ATRNL1: variants seen among roughly 807,000 people sequenced by gnomAD.
ATRNL1 encodes attractin like 1.
ATRNL1 carries 95 observed loss-of-function variants against 182.7 expected under a neutral mutation model. That is an observed-to-expected ratio of 0.52 (90% CI 0.44 to 0.62). The LOEUF (loss-of-function observed/expected upper bound fraction) is 0.62, where lower values mean the gene tolerates loss of function less well. Ranked by LOEUF, ATRNL1 falls within the 20% of genes least tolerant of loss-of-function variation. The pLI is 0.00. For missense variants in ATRNL1, 1,471 were observed against 1,679.5 expected (o/e 0.88, Z 2.17); for synonymous variants, 576 against 568.3 (o/e 1.01, Z -0.19).
chr10:115,096,727 A>C, intron 1 of ATRNL1: 1 of 1,286,896 alleles, frequency 7.8e-7, no homozygotes, highest in Non-Finnish European at 1.0e-6. Context: ...ATGCAGAAGC[A>C]AATATAGTAT....
rs539480442 is a variant in ATRNL1 at position 115,522,442 on chromosome 10, G to T, written c.3716+3118G>T. 2.6e-5 allele frequency among the ~76,000 whole-genome samples: 4 copies of T among 152,174 alleles called. No individual in the cohort carries two copies. The South Asian group carries it at 8.3e-4, about 32-fold the overall frequency. ...GTGAGAACTCATTTGCTACCATAAG[G>T]ACACCACCAAGTCATTCACAGGGAG... On this transcript the variant is annotated intron_variant, in intron 25 of 28. Transcript: ENST00000355044.
intron 27 of ATRNL1, among the ~76,000 whole-genome samples, chr10:115,747,826 G>A (rs1008158849): frequency 6.6e-6 from 1 of 152,022 alleles, no homozygotes; most frequent in Non-Finnish European, 1.5e-5. Context: ...GGCACATTCA[G>A]TATCTGGTGA....
intron 21 of ATRNL1, among the ~76,000 whole-genome samples, chr10:115,439,472 T>C (rs1289622426): frequency 1.3e-5 from 2 of 151,810 alleles, no homozygotes; most frequent in Non-Finnish European, 2.9e-5. Context: ...TAAATAAAAA[T>C]AAAAATAAAA....
At chr10:115,232,831 T>G (rs546338536) in intron 9 of ATRNL1, among the ~76,000 whole-genome samples, 3 of 152,096 alleles carry the variant, frequency 2.0e-5, no homozygotes, top group Non-Finnish European at 4.4e-5. Context: ...TGATTGATAT[T>G]TTATATGCTT....
At chr10:115,345,635 C>G (rs1554939504) in intron 19 of ATRNL1, among the ~76,000 whole-genome samples, 1 of 152,096 alleles carries the variant, frequency 6.6e-6, no homozygotes. Context: ...ATTGATGTCC[C>G]TGTTGGAGGG....
In ATRNL1 at chr10:115,515,198, C is replaced by T. The variant is rs149304810; in HGVS notation, c.3655-4065C>T. ...GTTTTCCTATTGATTCCCTCTTTTT[C>T]CTGCCTCATAGACACTGGTACCTTC... On this transcript the variant is annotated intron_variant, in intron 24 of 28. Transcript: ENST00000355044. Among the ~76,000 whole-genome samples, 50 of 151,916 alleles carry T rather than the reference C, an allele frequency of 3.3e-4. No homozygotes were observed. In the Middle Eastern group the frequency reaches 0.01, roughly 31 times the overall value.
chr10:115,789,978 A>C (rs1239411421), intron 27 of ATRNL1, among the ~76,000 whole-genome samples: 1 of 152,254 alleles, frequency 6.6e-6, no homozygotes, highest in Non-Finnish European at 1.5e-5. Flanking sequence ...TAATTATAGA[A>C]GAGACAAAGA....
intron 25 of ATRNL1, among the ~76,000 whole-genome samples, chr10:115,520,319 G>A (rs1431220623): frequency 6.6e-6 from 1 of 152,160 alleles, no homozygotes; most frequent in African/African-American, 2.4e-5. Context: ...TATCCATAAA[G>A]TATTTGAATT....
At chr10:115,213,181 C>A (rs1250491055) in intron 8 of ATRNL1, among the ~76,000 whole-genome samples, 1 of 151,886 alleles carries the variant, frequency 6.6e-6, no homozygotes, top group Non-Finnish European at 1.5e-5. Context: ...TTGATCATAT[C>A]TTTACATTTT....
intron 26 of ATRNL1, among the ~76,000 whole-genome samples, chr10:115,695,501 C>A (rs2133982138): frequency 6.6e-6 from 1 of 152,054 alleles, no homozygotes; most frequent in South Asian, 2.1e-4. Flanking sequence ...TACTTTAAAC[C>A]TAATATGATG....
intron 28 of ATRNL1, among the ~76,000 whole-genome samples, chr10:115,856,416 G>A (rs906576316): frequency 2.5e-4 from 4 of 16,042 alleles, no homozygotes; most frequent in African/African-American, 3.7e-4. Context: ...CAACAAGAGC[G>A]AAGCTCCATC....
At chr10:115,587,013 G>T (rs572489168) in intron 26 of ATRNL1, among the ~76,000 whole-genome samples, 2 of 148,110 alleles carry the variant, frequency 1.4e-5, no homozygotes, top group East Asian at 2.1e-4. Flanking sequence ...ATACCTGGCC[G>T]TGTGAGGTGT....
chr10:115,696,070 T>C (rs1343494691), intron 26 of ATRNL1, among the ~76,000 whole-genome samples: 2 of 152,068 alleles, frequency 1.3e-5, no homozygotes, highest in African/African-American at 2.4e-5. Flanking sequence ...GGCTAATTTT[T>C]TGTATTTTTA....
intron 28 of ATRNL1, among the ~76,000 whole-genome samples, chr10:115,852,027 G>C (rs1195729708): frequency 1.3e-5 from 2 of 152,144 alleles, no homozygotes; most frequent in African/African-American, 4.8e-5. Flanking sequence ...TGCATAAATT[G>C]AAAATGATAA....
At chr10:115,325,968 T>C (rs1054382124) in intron 18 of ATRNL1, among the ~76,000 whole-genome samples, 5 of 152,178 alleles carry the variant, frequency 3.3e-5, no homozygotes, top group African/African-American at 1.2e-4. Context: ...TTTCTTACTT[T>C]AAATCTTCTG....
intron 26 of ATRNL1, among the ~76,000 whole-genome samples, chr10:115,563,949 C>T (rs1157297326): frequency 6.6e-6 from 1 of 152,044 alleles, no homozygotes; most frequent in African/African-American, 2.4e-5. Context: ...TTGATATCCT[C>T]ATTAGATAAG....
At chr10:115,896,637 C>T (rs1952215688) in intron 28 of ATRNL1, among the ~76,000 whole-genome samples, 1 of 151,948 alleles carries the variant, frequency 6.6e-6, no homozygotes, top group Non-Finnish European at 1.5e-5. Context: ...GGCCTCACTA[C>T]ACAAATTAGT....
In ATRNL1 at chr10:115,874,969, A is replaced by G. The variant is rs535361418; in HGVS notation, c.4018+26978A>G. Among the ~76,000 whole-genome samples, 37 of 152,312 alleles carry G rather than the reference A, an allele frequency of 2.4e-4. No individual in the cohort carries two copies. In the South Asian group the frequency reaches 7.0e-3, roughly 29 times the overall value. ...TCTGGAGTATACAAACTCAGCTGTT[A>G]AAGAGTGGGATCAGAAGCTAAAGAT... On this transcript the variant is annotated intron_variant, in intron 28 of 28. Coordinates refer to ENST00000355044, the MANE Select transcript of ATRNL1 (RefSeq NM_207303.4).
intron 6 of ATRNL1, among the ~76,000 whole-genome samples, chr10:115,160,818 A>C (rs1846749271): frequency 6.6e-6 from 1 of 151,882 alleles, no homozygotes; most frequent in Admixed American, 6.6e-5. Flanking sequence ...AATAGGGAGA[A>C]TCATTTGATT....
Sources: allele counts gnomAD v4.1 joint callset (sites outside exome capture counted in the v4.1 genomes callset), GRCh38; gene constraint gnomAD v4.1.1; transcripts MANE v1.5; gene names NCBI Gene and HGNC (gene_info 2026-07-23, HGNC 2026-07-21).